The following GALNTL6 variants were observed in gnomAD, a reference collection of about 807,000 sequenced individuals.
GALNTL6 encodes the protein polypeptide N-acetylgalactosaminyltransferase-like 6.
A neutral mutation model predicts 73.7 loss-of-function variants in GALNTL6; 46 were observed. That is an observed-to-expected ratio of 0.62 (90% CI 0.49 to 0.80). The LOEUF (loss-of-function observed/expected upper bound fraction) is 0.80. Ranked by LOEUF, GALNTL6 falls within the 30% of genes least tolerant of loss-of-function variation. The pLI, the probability that GALNTL6 is intolerant of heterozygous loss-of-function variation, is 0.00. For missense variants in GALNTL6, 604 were observed against 755.0 expected, an observed-to-expected ratio of 0.80 and a Z score of 2.34; for synonymous variants, 259 against 263.7, an observed-to-expected ratio of 0.98 and a Z score of 0.17.
intron 5 of GALNTL6, among the ~76,000 whole-genome samples, chr4:172,689,717 G>A (rs1012692233): frequency 1.2e-4 from 18 of 152,130 alleles, no homozygotes; most frequent in Non-Finnish European, 1.6e-4. Context: ...CTCTGTATTC[G>A]TCAACATGTT....
At chr4:171,918,189 G>GCCCTTTGGGATAAAA (rs1320970631) in intron 2 of GALNTL6, among the ~76,000 whole-genome samples, 1 of 151,936 alleles carries the variant, frequency 6.6e-6, no homozygotes, top group Non-Finnish European at 1.5e-5. Context: ...CGTTAAGTTG[G>GCCCTTTGGGATAAAA]CCCTTTGGGA....
At chr4:172,620,354 A>G (rs1738906431) in intron 5 of GALNTL6, among the ~76,000 whole-genome samples, 1 of 152,190 alleles carries the variant, frequency 6.6e-6, no homozygotes, top group Non-Finnish European at 1.5e-5. Flanking sequence ...CCTATAGTAC[A>G]TTTTAAAAGG....
chr4:171,822,813 T>TA (rs1169569014), intron 2 of GALNTL6, among the ~76,000 whole-genome samples: 1 of 152,218 alleles, frequency 6.6e-6, no homozygotes, highest in Non-Finnish European at 1.5e-5. Flanking sequence ...CACTTTAATA[T>TA]AAGGCTGGAT....
chr4:172,088,661 C>T (rs1403277727), intron 2 of GALNTL6, among the ~76,000 whole-genome samples: 1 of 152,126 alleles, frequency 6.6e-6, no homozygotes, highest in Admixed American at 6.5e-5. Flanking sequence ...TCAATCTCCT[C>T]CTCTGGAATA....
chr4:172,882,665 C>A, intron 7 of GALNTL6, 125 bp from the exon 8 acceptor site: 1 of 686,412 alleles, frequency 1.5e-6, no homozygotes, highest in East Asian at 2.7e-5. Flanking sequence ...TACAGAAAAC[C>A]AGTGCTGAAA....
At chr4:171,943,126 C>A (rs1369077705) in intron 2 of GALNTL6, among the ~76,000 whole-genome samples, 5 of 152,168 alleles carry the variant, frequency 3.3e-5, no homozygotes, top group African/African-American at 1.2e-4. Context: ...TCCCTCCCAT[C>A]AAACAAACAA....
At chr4:172,737,282 C>A (rs1736528503) in intron 5 of GALNTL6, among the ~76,000 whole-genome samples, 1 of 152,088 alleles carries the variant, frequency 6.6e-6, no homozygotes, top group Non-Finnish European at 1.5e-5. Flanking sequence ...CTATGTCTTG[C>A]AGGTGGTCTT....
chr4:171,908,556 C>T (rs1440223981), intron 2 of GALNTL6, among the ~76,000 whole-genome samples: 1 of 151,832 alleles, frequency 6.6e-6, no homozygotes, highest in South Asian at 2.1e-4. Context: ...GGACTGTAAA[C>T]TAGTTCAACC....
intron 2 of GALNTL6, among the ~76,000 whole-genome samples, chr4:171,988,811 T>C (rs1363414836): frequency 6.6e-6 from 1 of 151,866 alleles, no homozygotes; most frequent in African/African-American, 2.4e-5. Context: ...TAAGTTTTAA[T>C]AGGATGGTAA....
chr4:172,380,111 T>C (rs1461447107), intron 5 of GALNTL6: 3 of 994,638 alleles, frequency 3.0e-6, no homozygotes, highest in African/African-American at 3.2e-5. Context: ...CCACTGCTCC[T>C]CTGCATCATT....
At chr4:171,917,068 A>G (rs1047842187) in intron 2 of GALNTL6, among the ~76,000 whole-genome samples, 1 of 152,060 alleles carries the variant, frequency 6.6e-6, no homozygotes, top group Non-Finnish European at 1.5e-5. Context: ...GGGTTTGTAC[A>G]TTTTTATGAT....
intron 2 of GALNTL6, among the ~76,000 whole-genome samples, chr4:171,897,145 A>T (rs532699082): frequency 6.6e-6 from 1 of 152,126 alleles, no homozygotes. Flanking sequence ...CTAGAAATTG[A>T]GAACAGAAGA....
chr4:171,855,258 G>A (rs1735657225), intron 2 of GALNTL6, among the ~76,000 whole-genome samples: 1 of 152,086 alleles, frequency 6.6e-6, no homozygotes, highest in Non-Finnish European at 1.5e-5. Flanking sequence ...AAAATCTCCT[G>A]CACTCCACCA....
chr4:172,407,637 CA>C (rs1391356219), intron 5 of GALNTL6, among the ~76,000 whole-genome samples: 4 of 152,028 alleles, frequency 2.6e-5, no homozygotes, highest in African/African-American at 2.4e-5. Flanking sequence ...TATGTCTACA[CA>C]ACGAAACAAA....
intron 2 of GALNTL6, among the ~76,000 whole-genome samples, chr4:172,055,564 C>T (rs1008184803): frequency 6.6e-6 from 1 of 151,922 alleles, no homozygotes; most frequent in Non-Finnish European, 1.5e-5. Context: ...TTTTTCCCAC[C>T]CTTTTCCCAA....
intron 2 of GALNTL6, among the ~76,000 whole-genome samples, chr4:172,151,385 T>C (rs991369141): frequency 2.0e-5 from 3 of 152,202 alleles, no homozygotes; most frequent in African/African-American, 7.2e-5. Context: ...TCCTGATGAA[T>C]TGTAATTTGC....
intron 5 of GALNTL6, among the ~76,000 whole-genome samples, chr4:172,699,283 G>A (rs1261265281): frequency 6.6e-6 from 1 of 152,096 alleles, no homozygotes; most frequent in Non-Finnish European, 1.5e-5. Context: ...ATAGCATTCT[G>A]CATGGTAATG....
At chr4:172,554,792 C>T (rs566138473) in intron 5 of GALNTL6, among the ~76,000 whole-genome samples, 21 of 152,200 alleles carry the variant, frequency 1.4e-4, no homozygotes, top group Admixed American at 2.0e-4. Context: ...ATGGACATTG[C>T]GCAATTTGTC....
intron 2 of GALNTL6, among the ~76,000 whole-genome samples, chr4:171,895,738 G>T (rs1024169893): frequency 2.0e-5 from 3 of 152,070 alleles, no homozygotes; most frequent in Admixed American, 6.6e-5. Flanking sequence ...TGCAATAGAT[G>T]ACTTAGACAC....
Sources: gnomAD v4.1 joint callset for allele counts (sites outside exome capture counted in the v4.1 genomes callset) on GRCh38, gnomAD v4.1.1 for gene constraint, MANE v1.5 for transcripts, NCBI Gene and HGNC (gene_info 2026-07-23, HGNC 2026-07-21) for gene names.